AFF2: variants seen among roughly 807,000 people sequenced by gnomAD.
The protein encoded by AFF2 is AF4/FMR2 family member 2.
Under a neutral mutation model 76.9 loss-of-function variants are expected in AFF2, and 14 were observed. The observed-to-expected ratio is 0.18, with a 90% CI of 0.12 to 0.28. The LOEUF is 0.28. Ranked by LOEUF, AFF2 falls within the 10% of genes least tolerant of loss-of-function variation. The pLI, the probability that AFF2 is intolerant of heterozygous loss-of-function variation, is 1.00. For synonymous variants in AFF2, 398 were observed against 366.7 expected, an observed-to-expected ratio of 1.09 and a Z score of -0.98; for missense variants, 868 against 1,001.1, an observed-to-expected ratio of 0.87 and a Z score of 1.79.
intron 1 of AFF2, among the ~76,000 whole-genome samples, chrX:148,560,793 G>C (rs1033824544): frequency 8.9e-6 from 1 of 111,972 alleles, no homozygotes; most frequent in Non-Finnish European, 1.9e-5. Flanking sequence ...ATTTTTAACA[G>C]TATTGCATTA....
At position 148,500,794 on chromosome X, in the gene AFF2, C is replaced by A; in HGVS notation, c.-304C>A. 1 of 112,930 alleles carries A rather than the reference C, an allele frequency of 8.9e-6. No homozygotes were observed. Among genetic ancestry groups the A allele is most frequent in the South Asian group, 3.3e-4 (1 of 3,022 alleles). The allele number at this position is 112,930 out of a possible 1,213,427, so 9.3% of individuals were successfully genotyped here. On this transcript the variant is annotated 5_prime_UTR_variant, in exon 1 of 21. Coordinates refer to ENST00000370460, the MANE Select transcript of AFF2 (RefSeq NM_002025.4). The stretch of plus-strand genomic sequence containing the variant: ...GGCGGGCGGCCCAGCCCGCCTGAGC[C>A]CGCAGCGGCTGCCGCCGCAGCGTCG...
At chrX:148,884,028 T>C (rs1194573435) in intron 7 of AFF2, among the ~76,000 whole-genome samples, 2 of 111,363 alleles carry the variant, frequency 1.8e-5, no homozygotes, top group Non-Finnish European at 3.8e-5. Context: ...CCATTTATAA[T>C]AACAAGCATA....
intron 1 of AFF2, among the ~76,000 whole-genome samples, chrX:148,505,462 A>C (rs1341622367): frequency 8.9e-6 from 1 of 112,240 alleles, no homozygotes; most frequent in African/African-American, 3.2e-5. Flanking sequence ...ATCATTATAG[A>C]CATGAATGAG....
chrX:148,717,707 G>T (rs1387170504), intron 3 of AFF2, among the ~76,000 whole-genome samples: 1 of 111,482 alleles, frequency 9.0e-6, no homozygotes, highest in African/African-American at 3.3e-5. Context: ...CATTCAAAGG[G>T]TCATAAGAAG....
chrX:148,593,715 A>C lies in AFF2; in HGVS notation c.48-58284A>C, dbSNP rs148197868. Among the ~76,000 whole-genome samples, 9 of 112,472 alleles carry C rather than the reference A, an allele frequency of 8.0e-5. No individual in the cohort carries two copies. The East Asian group carries it at 2.5e-3, about 32-fold the overall frequency. Reference sequence around the variant, plus strand: ...TCAGAGTAATAGCTGCTATTTATTGAGTGCTTTCTTTGTACCAGCTATTGT... The same window carrying C: ...TCAGAGTAATAGCTGCTATTTATTGCGTGCTTTCTTTGTACCAGCTATTGT... On this transcript the variant is annotated intron_variant, in intron 1 of 20. Coordinates refer to ENST00000370460, the MANE Select transcript of AFF2 (RefSeq NM_002025.4).
intron 7 of AFF2, among the ~76,000 whole-genome samples, chrX:148,867,032 C>T (rs1157217455): frequency 2.7e-5 from 3 of 112,054 alleles, no homozygotes; most frequent in Non-Finnish European, 5.6e-5. Flanking sequence ...TGGCAGGTTC[C>T]TGAGAAGCAG....
rs1375593773 is a variant in AFF2 at position 148,579,441 on chromosome X, G to A, written c.48-72558G>A. ...GCAAGGCCAAACACAATTTAGTTTGGTGAATAACAGGCTTTTATCAGCAGC... is the reference window on the plus strand; with the variant it reads ...GCAAGGCCAAACACAATTTAGTTTGATGAATAACAGGCTTTTATCAGCAGC... On this transcript the variant is annotated intron_variant, in intron 1 of 20. Coordinates refer to ENST00000370460, the MANE Select transcript of AFF2 (RefSeq NM_002025.4). 9.2e-5 allele frequency among the ~76,000 whole-genome samples: 10 copies of A among 108,526 alleles called. No homozygotes were observed. In the Admixed American group the frequency reaches 1.0e-3, roughly 11 times the overall value. 94.2% of individuals were successfully genotyped at this position (108,526 alleles called of 115,157 possible).
chrX:148,974,724 G>A (rs781828379), intron 16 of AFF2, among the ~76,000 whole-genome samples: 3 of 112,240 alleles, frequency 2.7e-5, no homozygotes, highest in Non-Finnish European at 5.6e-5. Context: ...CTTGCCTGCT[G>A]AGCCAATCAG....
intron 3 of AFF2, among the ~76,000 whole-genome samples, chrX:148,717,721 C>T (rs2055042085): frequency 9.0e-6 from 1 of 111,296 alleles, no homozygotes; most frequent in Non-Finnish European, 1.9e-5. Context: ...TAAGAAGGGG[C>T]ATTGCCTGGT....
chrX:148,610,465 A>G (rs904042245), intron 1 of AFF2, among the ~76,000 whole-genome samples: 3 of 112,183 alleles, frequency 2.7e-5, no homozygotes, highest in Non-Finnish European at 3.8e-5. Flanking sequence ...AACAGAAAAC[A>G]AATATTCTTG....
chrX:148,590,607 C>T (rs1345910057), intron 1 of AFF2, among the ~76,000 whole-genome samples: 1 of 112,037 alleles, frequency 8.9e-6, no homozygotes, highest in African/African-American at 3.3e-5. Context: ...CATCATACCA[C>T]ATGGAAGTGT....
At chrX:148,906,532 T>C (rs1353107033) in intron 9 of AFF2, among the ~76,000 whole-genome samples, 2 of 111,875 alleles carry the variant, frequency 1.8e-5, no homozygotes, top group Admixed American at 9.5e-5. Flanking sequence ...GAGAGCTCAC[T>C]AAAATACCAA....
chrX:148,879,059 C>T (rs1053652438), intron 7 of AFF2, among the ~76,000 whole-genome samples: 2 of 111,806 alleles, frequency 1.8e-5, no homozygotes, highest in Non-Finnish European at 3.8e-5. Context: ...TGATTCAAGT[C>T]ATATACGTCA....
At chrX:148,539,088 ATG>A (rs1557237028) in intron 1 of AFF2, among the ~76,000 whole-genome samples, 1 of 111,878 alleles carries the variant, frequency 8.9e-6, no homozygotes, top group Admixed American at 9.5e-5. Flanking sequence ...TTCATTAAGC[ATG>A]TGATGGGTTA....
chrX:148,673,933 T>G (rs1423486121), intron 3 of AFF2, among the ~76,000 whole-genome samples: 2 of 112,809 alleles, frequency 1.8e-5, no homozygotes, highest in Admixed American at 1.9e-4. Context: ...ATAAAGTTTC[T>G]TTTCACTTAG....
intron 3 of AFF2, among the ~76,000 whole-genome samples, chrX:148,696,959 C>T (rs946445150): frequency 1.8e-5 from 2 of 112,115 alleles, no homozygotes; most frequent in Non-Finnish European, 3.8e-5. Context: ...TGCTCCCAAC[C>T]CTGTTAATGC....
intron 3 of AFF2, among the ~76,000 whole-genome samples, chrX:148,750,157 A>G (rs1245503565): frequency 1.2e-4 from 13 of 109,084 alleles, no homozygotes; most frequent in Non-Finnish European, 2.5e-4. Context: ...TTTAGTAGAG[A>G]CGGCATTTCA....
At chrX:148,804,275 A>G (rs1316321811) in intron 3 of AFF2, among the ~76,000 whole-genome samples, 1 of 112,209 alleles carries the variant, frequency 8.9e-6, no homozygotes, top group African/African-American at 3.2e-5. Context: ...GCCCAAGGTC[A>G]TAAAGCAAGT....
intron 3 of AFF2, among the ~76,000 whole-genome samples, chrX:148,686,406 C>T (rs1213943246): frequency 9.0e-6 from 1 of 111,694 alleles, no homozygotes; most frequent in African/African-American, 3.3e-5. Context: ...TTCATTTAGA[C>T]TGAGTCAATC....
Sources: gnomAD v4.1 joint callset for allele counts (sites outside exome capture counted in the v4.1 genomes callset) on GRCh38, gnomAD v4.1.1 for gene constraint, MANE v1.5 for transcripts, NCBI Gene and HGNC (gene_info 2026-07-23, HGNC 2026-07-21) for gene names.